CEP112: variants seen among roughly 807,000 people sequenced by gnomAD.
CEP112 encodes the protein centrosomal protein 112.
CEP112 carries 127 observed loss-of-function variants against 153.0 expected under a neutral mutation model. The observed-to-expected ratio is 0.83, with a 90% CI of 0.72 to 0.96. The LOEUF is 0.96. CEP112 is among the 40% of genes least tolerant of loss of function. CEP112 has a pLI of 0.00. For missense variants in CEP112, 1,089 were observed against 1,101.2 expected (o/e 0.99, Z 0.16); for synonymous variants, 358 against 374.4 (o/e 0.96, Z 0.51).
At chr17:65,828,803 T>A (rs1472439933) in intron 21 of CEP112, among the ~76,000 whole-genome samples, 1 of 152,118 alleles carries the variant, frequency 6.6e-6, no homozygotes, top group Non-Finnish European at 1.5e-5. Context: ...ATATTTTAAA[T>A]ATGCTACTAG....
chr17:66,026,243 TA>T (rs1376604563), intron 16 of CEP112, among the ~76,000 whole-genome samples: 1 of 152,118 alleles, frequency 6.6e-6, no homozygotes. Context: ...TATATCCATG[TA>T]AAAAAACTGC....
chr17:66,165,769 G>T (rs2146797079), intron 4 of CEP112, among the ~76,000 whole-genome samples: 1 of 152,230 alleles, frequency 6.6e-6, no homozygotes, highest in East Asian at 1.9e-4. Flanking sequence ...ACACACAAAT[G>T]AAATGCTAGC....
intron 20 of CEP112, among the ~76,000 whole-genome samples, chr17:65,871,085 G>A (rs1458350019): frequency 6.6e-6 from 1 of 152,156 alleles, no homozygotes; most frequent in African/African-American, 2.4e-5. Flanking sequence ...TGCTAACAAT[G>A]GTAGGACATT....
rs1278586257 is a variant in CEP112, at chr17:65,680,376, G to A, written c.2697+8753C>T. Among the ~76,000 whole-genome samples, 4 of 152,328 alleles carry A rather than the reference G, an allele frequency of 2.6e-5. No homozygotes were observed. In the East Asian group the frequency reaches 7.7e-4, roughly 29 times the overall value. On this transcript the variant is annotated intron_variant, in intron 24 of 26. Transcript: ENST00000535342. ...TTAGGAGGCCCAATACCAAGGGCCT[G>A]TGATCAGTACCCAAGTTCAGCAACT...
rs535731749 is a variant in CEP112, at chr17:65,963,795, T to G, written c.1737-2197A>C. Reference sequence around the variant, plus strand: ...GTTGACAGGCTGAAAGAGCATATCGTGCATGTTTATTTGTCATTTTAAACA... The same window carrying G: ...GTTGACAGGCTGAAAGAGCATATCGGGCATGTTTATTTGTCATTTTAAACA... On this transcript the variant is annotated intron_variant, in intron 17 of 26. Coordinates refer to ENST00000535342, the MANE Select transcript of CEP112 (RefSeq NM_001199165.4). 2.6e-5 allele frequency among the ~76,000 whole-genome samples: 4 copies of G among 152,230 alleles called. No individual in the cohort carries two copies. The South Asian group carries it at 8.3e-4, about 32-fold the overall frequency.
At chr17:66,140,813 T>C (rs1463196417) in intron 4 of CEP112, among the ~76,000 whole-genome samples, 3 of 151,932 alleles carry the variant, frequency 2.0e-5, no homozygotes, top group Non-Finnish European at 4.4e-5. Context: ...AATTTTTTTT[T>C]TATTTTTATT....
intron 20 of CEP112, among the ~76,000 whole-genome samples, chr17:65,884,191 G>A (rs1269739849): frequency 2.6e-5 from 4 of 152,190 alleles, no homozygotes; most frequent in Non-Finnish European, 4.4e-5. Context: ...AGTGTTCAAC[G>A]TGAAACAGAG....
chr17:65,961,455 C>T lies in CEP112; in HGVS notation c.1872+8G>A, dbSNP rs373668480. 1.3e-5 allele frequency: 20 copies of T among 1,596,442 alleles called. No individual in the cohort carries two copies. The highest frequency in any genetic ancestry group is 1.3e-5 in the Non-Finnish European group (15 of 1,166,604). On this transcript the variant is annotated splice_region_variant and intron_variant, in intron 18 of 26. Coordinates refer to ENST00000535342, the MANE Select transcript of CEP112 (RefSeq NM_001199165.4). ...CTTTCAAAAGGGATGGTGTGGCAGC[C>T]TCCTTACCTGCTCTTTCATTTCAGC...
At chr17:66,188,608 G>C (rs1009191006) in intron 1 of CEP112, among the ~76,000 whole-genome samples, 1 of 147,632 alleles carries the variant, frequency 6.8e-6, no homozygotes, top group Non-Finnish European at 1.5e-5. Flanking sequence ...TTACACATCT[G>C]TGTATTATTA....
rs869059954 is a variant in CEP112 at position 65,821,540 on chromosome 17, A to AT, written c.2394+30263dup. Among the ~76,000 whole-genome samples the AT allele has an allele frequency of 5.4e-3, 181 of 33,632 alleles. 11 individuals carry two copies. Among genetic ancestry groups the AT allele is most frequent in the Non-Finnish European group, 6.4e-3 (136 of 21,220 alleles). 22.1% of individuals were successfully genotyped at this position (33,632 alleles called of 152,430 possible). A position where few individuals can be genotyped will look rare whatever the true frequency, so the allele number is the denominator to read the frequency against. On this transcript the variant is annotated intron_variant, in intron 21 of 26. Coordinates refer to ENST00000535342, the MANE Select transcript of CEP112 (RefSeq NM_001199165.4). The stretch of plus-strand genomic sequence containing the variant: ...TATATATATATATATATATATATAT[A>AT]TTTTTTTTTTTTTTTTTTTTTTTTT...
At chr17:65,644,446 G>A in intron 24 of CEP112, 1 of 427,618 alleles carries the variant, frequency 2.3e-6, no homozygotes. Context: ...TTATAATGCA[G>A]TCCTTGAGGA....
At chr17:66,005,472 T>G (rs568344815) in intron 17 of CEP112, among the ~76,000 whole-genome samples, 1 of 151,434 alleles carries the variant, frequency 6.6e-6, no homozygotes, top group African/African-American at 2.4e-5. Flanking sequence ...TTTTTTACAT[T>G]CCTATCACTT....
At chr17:65,931,865 A>G (rs1042268963) in intron 18 of CEP112, among the ~76,000 whole-genome samples, 11 of 152,230 alleles carry the variant, frequency 7.2e-5, no homozygotes, top group Admixed American at 3.3e-4. Flanking sequence ...CAGGGAGCCA[A>G]GCCCAAAACT....
At chr17:65,646,234 AAGAT>A (rs1482662558) in intron 24 of CEP112, among the ~76,000 whole-genome samples, 1 of 152,218 alleles carries the variant, frequency 6.6e-6, no homozygotes, top group Non-Finnish European at 1.5e-5. Flanking sequence ...ACATTTATTG[AAGAT>A]TCGTGCATTT....
intron 2 of CEP112, among the ~76,000 whole-genome samples, chr17:66,181,064 C>T (rs1393531245): frequency 1.3e-5 from 2 of 152,142 alleles, no homozygotes; most frequent in African/African-American, 4.8e-5. Flanking sequence ...ATACTTTCCA[C>T]ATCCCATAGC....
In CEP112 at chr17:65,877,851, G is replaced by A. The variant is rs9783831; in HGVS notation, c.2163+24301C>T. ...ATGAGATGTACACATATACACAATG[G>A]AATATTATTCACCCTTAAATTTCTT... On this transcript the variant is annotated intron_variant, in intron 20 of 26. Transcript: ENST00000535342. Among the ~76,000 whole-genome samples the A allele has an allele frequency of 2.7e-3, 416 of 152,214 alleles. 1 individual carries two copies. Among genetic ancestry groups the A allele is most frequent in the African/African-American group, 9.6e-3 (400 of 41,528 alleles).
intron 4 of CEP112, among the ~76,000 whole-genome samples, chr17:66,162,419 G>C (rs142452599): frequency 1.3e-5 from 2 of 152,236 alleles, no homozygotes; most frequent in Admixed American, 6.5e-5. Context: ...TATCAGCAGT[G>C]CCTACTATGA....
At chr17:66,087,882 G>A (rs545141048) in intron 8 of CEP112, among the ~76,000 whole-genome samples, 19 of 152,056 alleles carry the variant, frequency 1.2e-4, no homozygotes, top group Non-Finnish European at 2.5e-4. Context: ...TCAATACCAG[G>A]TCAGTCCCAG....
chr17:66,068,777 A>G (rs2067209578), intron 9 of CEP112, among the ~76,000 whole-genome samples: 1 of 152,062 alleles, frequency 6.6e-6, no homozygotes, highest in Non-Finnish European at 1.5e-5. Flanking sequence ...AAATTCCATC[A>G]CCGTAATTTT....
Sources: gnomAD v4.1 joint callset for allele counts (sites outside exome capture counted in the v4.1 genomes callset) on GRCh38, gnomAD v4.1.1 for gene constraint, MANE v1.5 for transcripts, NCBI Gene and HGNC (gene_info 2026-07-23, HGNC 2026-07-21) for gene names.